RAB3C: variants seen among roughly 807,000 people sequenced by gnomAD.
RAB3C encodes ras-related protein Rab-3C.
RAB3C carries 17 observed loss-of-function variants against 26.4 expected under a neutral mutation model. The ratio of observed to expected loss-of-function variants is 0.64; its 90% CI spans 0.44 to 0.97. The LOEUF (loss-of-function observed/expected upper bound fraction) is 0.97, where lower values mean the gene tolerates loss of function less well. RAB3C is among the 50% of genes least tolerant of loss of function. The probability of loss-of-function intolerance (pLI) is 0.00; values close to 1 mark genes in which losing one functional copy is unlikely to be tolerated. For synonymous variants in RAB3C, 91 were observed against 95.9 expected, an observed-to-expected ratio of 0.95 and a Z score of 0.30; for missense variants, 242 against 281.9, an observed-to-expected ratio of 0.86 and a Z score of 1.01.
chr5:58,818,664 A>C (rs150310418), intron 3 of RAB3C, among the ~76,000 whole-genome samples: 10 of 152,300 alleles, frequency 6.6e-5, no homozygotes, highest in African/African-American at 2.4e-4. Context: ...TTAACAGTAA[A>C]TCCCAAAGGA....
At chr5:58,843,580 CAGAACATT>C (rs1743922737) in intron 4 of RAB3C, among the ~76,000 whole-genome samples, 7 of 152,326 alleles carry the variant, frequency 4.6e-5, no homozygotes, top group South Asian at 2.1e-4. Flanking sequence ...ACCAATATGA[CAGAACATT>C]GACTTCTCAG....
chr5:58,801,749 T>C (rs1434157691), intron 3 of RAB3C, among the ~76,000 whole-genome samples: 2 of 152,252 alleles, frequency 1.3e-5, no homozygotes, highest in African/African-American at 4.8e-5. Context: ...AATGTTGCAA[T>C]GTAAATAACT....
intron 2 of RAB3C, among the ~76,000 whole-genome samples, chr5:58,713,613 G>A (rs1749108077): frequency 6.6e-6 from 1 of 152,164 alleles, no homozygotes; most frequent in African/African-American, 2.4e-5. Context: ...AATCAGCTGA[G>A]CTTTAGAACT....
At chr5:58,705,980 G>A (rs953318810) in intron 2 of RAB3C, among the ~76,000 whole-genome samples, 1 of 152,090 alleles carries the variant, frequency 6.6e-6, no homozygotes, top group Non-Finnish European at 1.5e-5. Flanking sequence ...TTTAATCTTA[G>A]GAGATACTGG....
At chr5:58,630,990 T>G (rs774810226) in intron 2 of RAB3C, among the ~76,000 whole-genome samples, 11 of 152,206 alleles carry the variant, frequency 7.2e-5, no homozygotes, top group Non-Finnish European at 1.5e-4. Context: ...AAGCCAGGTC[T>G]GAGGCTCAGG....
intron 2 of RAB3C, among the ~76,000 whole-genome samples, chr5:58,623,685 T>G (rs886526804): frequency 3.9e-5 from 6 of 152,160 alleles, no homozygotes; most frequent in African/African-American, 7.2e-5. Context: ...ATTGACAAAA[T>G]ACAAAGGATG....
At chr5:58,706,740 G>A (rs1748951833) in intron 2 of RAB3C, among the ~76,000 whole-genome samples, 1 of 152,094 alleles carries the variant, frequency 6.6e-6, no homozygotes, top group South Asian at 2.1e-4. Context: ...CCTTAATGTT[G>A]TTCATTCTTA....
intron 2 of RAB3C, among the ~76,000 whole-genome samples, chr5:58,690,701 TCTA>T (rs1279213751): frequency 1.3e-5 from 2 of 152,144 alleles, no homozygotes; most frequent in African/African-American, 4.8e-5. Flanking sequence ...AACTGTCAGG[TCTA>T]CTTTCTGCTT....
chr5:58,597,804 A>G (rs1322497374), intron 1 of RAB3C, among the ~76,000 whole-genome samples: 1 of 99,568 alleles, frequency 1.0e-5, no homozygotes, highest in African/African-American at 4.3e-5. Flanking sequence ...AACATGTAAT[A>G]CATTATATAT....
intron 3 of RAB3C, among the ~76,000 whole-genome samples, chr5:58,798,099 G>GGA (rs1742718311): frequency 6.6e-6 from 1 of 151,752 alleles, no homozygotes; most frequent in Non-Finnish European, 1.5e-5. Flanking sequence ...TTGGCGGGGG[G>GGA]GCCTCCTCTT....
chr5:58,640,753 G>T (rs553023314), intron 2 of RAB3C, among the ~76,000 whole-genome samples: 12 of 152,200 alleles, frequency 7.9e-5, no homozygotes, highest in African/African-American at 2.4e-4. Context: ...GTCAGAGAAG[G>T]TGTCTTCTGT....
chr5:58,647,282 G>C (rs2111779090), intron 2 of RAB3C, among the ~76,000 whole-genome samples: 1 of 152,294 alleles, frequency 6.6e-6, no homozygotes, highest in African/African-American at 2.4e-5. Context: ...TGCATGGCTG[G>C]GGAGCCCTCA....
intron 2 of RAB3C, among the ~76,000 whole-genome samples, chr5:58,683,214 C>G (rs1748381913): frequency 6.6e-6 from 1 of 152,104 alleles, no homozygotes; most frequent in Non-Finnish European, 1.5e-5. Flanking sequence ...TACAGAAAAG[C>G]CTAGAGACAA....
intron 2 of RAB3C, chr5:58,647,745 C>A (rs931089869): frequency 4.6e-5 from 7 of 152,144 alleles, no homozygotes; most frequent in African/African-American, 1.7e-4. Context: ...TTCAATGACA[C>A]GTTGAAGTTA....
intron 2 of RAB3C, among the ~76,000 whole-genome samples, chr5:58,639,689 CT>C (rs1355006309): frequency 2.0e-5 from 3 of 152,148 alleles, no homozygotes; most frequent in Non-Finnish European, 4.4e-5. Context: ...AGAACACAAA[CT>C]TTCAGTCTCC....
intron 4 of RAB3C, among the ~76,000 whole-genome samples, chr5:58,850,407 A>T (rs1744089700): frequency 6.6e-6 from 1 of 152,224 alleles, no homozygotes; most frequent in South Asian, 2.1e-4. Flanking sequence ...AAAGCCCTGG[A>T]GGGCTGTTGG....
chr5:58,698,129 A>G (rs1184814723), intron 2 of RAB3C, among the ~76,000 whole-genome samples: 1 of 152,160 alleles, frequency 6.6e-6, no homozygotes, highest in Non-Finnish European at 1.5e-5. Flanking sequence ...GTTGGTGACA[A>G]AATCTCTGAG....
chr5:58,742,877 C>G (rs1265658825), intron 3 of RAB3C, among the ~76,000 whole-genome samples: 1 of 151,946 alleles, frequency 6.6e-6, no homozygotes, highest in Non-Finnish European at 1.5e-5. Context: ...AGGAAAATTT[C>G]TTTTTTTAAT....
chr5:58,700,760 T>C (rs1300462487), intron 2 of RAB3C, among the ~76,000 whole-genome samples: 1 of 152,196 alleles, frequency 6.6e-6, no homozygotes, highest in African/African-American at 2.4e-5. Flanking sequence ...AAAATAGATA[T>C]TCCTGTCTGT....
Sources: gnomAD v4.1 joint callset for allele counts (sites outside exome capture counted in the v4.1 genomes callset) on GRCh38, gnomAD v4.1.1 for gene constraint, MANE v1.5 for transcripts, NCBI Gene and HGNC (gene_info 2026-07-23, HGNC 2026-07-21) for gene names.